GALNT17: variants seen among roughly 807,000 people sequenced by gnomAD.
The protein encoded by GALNT17 is polypeptide N-acetylgalactosaminyltransferase 17.
GALNT17 carries 29 observed loss-of-function variants against 63.7 expected under a neutral mutation model. The observed-to-expected ratio is 0.46, with a 90% CI of 0.34 to 0.62. The LOEUF (loss-of-function observed/expected upper bound fraction) is 0.62, where lower values mean the gene tolerates loss of function less well. Among genes scored for constraint, GALNT17 ranks in the 20% least tolerant of loss-of-function variants. The pLI is 0.01. For missense variants in GALNT17, 603 were observed against 799.6 expected (o/e 0.75, Z 2.97); for synonymous variants, 305 against 318.3 (o/e 0.96, Z 0.45).
At chr7:71,623,422 TTTTA>T (rs1467610499) in intron 6 of GALNT17, among the ~76,000 whole-genome samples, 3 of 151,714 alleles carry the variant, frequency 2.0e-5, no homozygotes, top group Non-Finnish European at 4.4e-5. Context: ...TTTTATTTTA[TTTTA>T]TTTATTTTTG....
intron 3 of GALNT17, among the ~76,000 whole-genome samples, chr7:71,404,503 G>A (rs1793293660): frequency 6.6e-6 from 1 of 152,136 alleles, no homozygotes; most frequent in Non-Finnish European, 1.5e-5. Context: ...GTCAGCAAGT[G>A]CATTATTTAA....
chr7:71,378,827 A>T (rs2906254), intron 2 of GALNT17, among the ~76,000 whole-genome samples: 12,402 of 151,762 alleles, frequency 0.082, 845 homozygotes, highest in African/African-American at 0.18. Context: ...CTACAAAAAA[A>T]AAATAAATAA....
At chr7:71,375,500 G>T (rs1051832485) in intron 2 of GALNT17, among the ~76,000 whole-genome samples, 1 of 152,102 alleles carries the variant, frequency 6.6e-6, no homozygotes, top group Non-Finnish European at 1.5e-5. Flanking sequence ...CTGCAGCCTC[G>T]ACCTTCAGGA....
chr7:71,564,649 G>A (rs768079127), intron 5 of GALNT17, among the ~76,000 whole-genome samples: 33 of 152,014 alleles, frequency 2.2e-4, no homozygotes, highest in Non-Finnish European at 3.2e-4. Context: ...CCACATCCCC[G>A]CTGCACTGGG....
chr7:71,392,659 T>C (rs987848527), intron 3 of GALNT17, among the ~76,000 whole-genome samples: 2 of 152,152 alleles, frequency 1.3e-5, no homozygotes, highest in African/African-American at 4.8e-5. Context: ...AGATGTTCAG[T>C]GAGTAAGAAA....
chr7:71,153,084 C>G (rs1788162881), intron 1 of GALNT17, among the ~76,000 whole-genome samples: 1 of 152,154 alleles, frequency 6.6e-6, no homozygotes, highest in African/African-American at 2.4e-5. Flanking sequence ...GTCAGCTGAT[C>G]TCCAGGGGTT....
At chr7:71,465,322 G>A (rs991658173) in intron 5 of GALNT17, among the ~76,000 whole-genome samples, 1 of 152,102 alleles carries the variant, frequency 6.6e-6, no homozygotes, top group Non-Finnish European at 1.5e-5. Context: ...CTCAGCCTAC[G>A]TGCAGAGATA....
At chr7:71,238,458 C>T (rs1473135034) in intron 1 of GALNT17, among the ~76,000 whole-genome samples, 1 of 152,166 alleles carries the variant, frequency 6.6e-6, no homozygotes, top group Non-Finnish European at 1.5e-5. Context: ...CTTATGGGCT[C>T]AAGTGATCCT....
chr7:71,210,845 GACATGTAGT>G (rs1282254736), intron 1 of GALNT17, among the ~76,000 whole-genome samples: 1 of 152,158 alleles, frequency 6.6e-6, no homozygotes, highest in Non-Finnish European at 1.5e-5. Flanking sequence ...GCAGGTGATG[GACATGTAGT>G]ACATTGTCAA....
intron 5 of GALNT17, among the ~76,000 whole-genome samples, chr7:71,432,628 T>G (rs537501046): frequency 6.6e-6 from 1 of 152,298 alleles, no homozygotes; most frequent in African/African-American, 2.4e-5. Flanking sequence ...GATGAGTTGT[T>G]TAGTGTCTTA....
At chr7:71,282,001 T>C (rs1790786841) in intron 1 of GALNT17, among the ~76,000 whole-genome samples, 1 of 152,186 alleles carries the variant, frequency 6.6e-6, no homozygotes, top group Non-Finnish European at 1.5e-5. Flanking sequence ...ATGTGTTAAC[T>C]CTTTCTTCCT....
At chr7:71,688,748 A>G (rs937600923) in intron 9 of GALNT17, among the ~76,000 whole-genome samples, 9 of 152,136 alleles carry the variant, frequency 5.9e-5, no homozygotes, top group African/African-American at 2.2e-4. Context: ...AAACAACTCT[A>G]TATCTGTTCC....
intron 5 of GALNT17, among the ~76,000 whole-genome samples, chr7:71,474,876 C>G (rs1000564338): frequency 1.3e-5 from 2 of 152,080 alleles, no homozygotes; most frequent in African/African-American, 2.4e-5. Flanking sequence ...ACTGGATTTT[C>G]CAGGTGGCCC....
intron 5 of GALNT17, among the ~76,000 whole-genome samples, chr7:71,450,063 TC>T (rs1787231626): frequency 6.6e-6 from 1 of 151,156 alleles, no homozygotes; most frequent in South Asian, 2.1e-4. Context: ...AAAAAGATTG[TC>T]TAAAATATGA....
chr7:71,229,638 C>T (rs985026719), intron 1 of GALNT17, among the ~76,000 whole-genome samples: 1 of 152,208 alleles, frequency 6.6e-6, no homozygotes, highest in Non-Finnish European at 1.5e-5. Flanking sequence ...AGTCTCCAAA[C>T]AGCCCCTGAT....
intron 6 of GALNT17, among the ~76,000 whole-genome samples, chr7:71,632,562 A>C (rs529076591): frequency 3.3e-5 from 5 of 152,178 alleles, no homozygotes; most frequent in African/African-American, 9.6e-5. Context: ...AATACATCTA[A>C]TGCATCTGTG....
chr7:71,563,142 A>G (rs1789282893), intron 5 of GALNT17, among the ~76,000 whole-genome samples: 1 of 152,128 alleles, frequency 6.6e-6, no homozygotes, highest in Non-Finnish European at 1.5e-5. Flanking sequence ...TCTGTAATGG[A>G]GCTATTAGGC....
At chr7:71,416,507 G>A (rs1186948383) in intron 4 of GALNT17, among the ~76,000 whole-genome samples, 10 of 152,112 alleles carry the variant, frequency 6.6e-5, no homozygotes, top group Admixed American at 5.9e-4. Flanking sequence ...GGCTACTTGG[G>A]AGGCTGAGGC....
At position 71,244,163 on chromosome 7, in the gene GALNT17, C is replaced by T. The variant is rs563072636; in HGVS notation, c.239-91387C>T. On this transcript the variant is annotated intron_variant, in intron 1 of 10. Coordinates refer to ENST00000333538, the MANE Select transcript of GALNT17 (RefSeq NM_022479.3). ...TGCTACTGCATGCCCAGCTCTGCTC[C>T]GTCCAGATCCTGCCTGGCTGCACAG... Among the ~76,000 whole-genome samples the T allele has an allele frequency of 5.3e-5, 8 of 152,304 alleles. No homozygotes were observed. In the East Asian group the frequency reaches 5.8e-4, roughly 11 times the overall value.
Sources: gnomAD v4.1 joint callset for allele counts (sites outside exome capture counted in the v4.1 genomes callset) on GRCh38, gnomAD v4.1.1 for gene constraint, MANE v1.5 for transcripts, NCBI Gene and HGNC (gene_info 2026-07-23, HGNC 2026-07-21) for gene names.